Variants in SEC61A2 observed in about 807,000 individuals in gnomAD.
SEC61A2 encodes the protein SEC61 translocon subunit alpha 2, also known as protein transport protein Sec61 subunit alpha isoform 2.
Under a neutral mutation model 59.9 loss-of-function variants are expected in SEC61A2, and 28 were observed. That is an observed-to-expected ratio of 0.47 (90% CI 0.35 to 0.64). The LOEUF is 0.64. Ranked by LOEUF, SEC61A2 falls within the 30% of genes least tolerant of loss-of-function variation. The pLI is 0.01. For synonymous variants in SEC61A2, 202 were observed against 214.4 expected (o/e 0.94, Z 0.50); for missense variants, 340 against 585.9 (o/e 0.58, Z 4.33).
In SEC61A2 at chr10:12,161,825, CA is replaced by C. The variant is rs1368687344; in HGVS notation, c.1168-384del. On this transcript the variant is annotated intron_variant, in intron 10 of 11. Coordinates refer to ENST00000298428, the MANE Select transcript of SEC61A2 (RefSeq NM_018144.4). This position sits in a 1 kb window ranked among gnomAD's most constrained non-coding sequence, Gnocchi z 5.4. ...TTTTGGAAAATTCATATTTAATTGT[CA>C]AAACAGTAGTGGATACACTCCTTTA... Among the ~76,000 whole-genome samples, 1 of 152,054 alleles carries C rather than the reference CA, an allele frequency of 6.6e-6. No homozygotes were observed. The highest frequency in any genetic ancestry group is 2.4e-5 in the African/African-American group (1 of 41,402).
chr10:12,129,676 C>A, upstream of SEC61A2: 1 of 1,089,358 alleles, frequency 9.2e-7, no homozygotes. The surrounding 1 kb of genome is among the most constrained non-coding windows in gnomAD (Gnocchi z 5.6). Flanking sequence ...GCGGAGCCTG[C>A]GCGGGGCCGG....
rs1015617056 is a variant in SEC61A2 at position 12,143,688 on chromosome 10, G to A, written c.220+493G>A. ...ATGGAGGTTGCAGTGAACTAAGATC[G>A]CACCACTGCAATCCAGCCTGGGTAA... On this transcript the variant is annotated intron_variant, in intron 4 of 11. Transcript: ENST00000298428. The surrounding 1 kb of genome is among the most constrained non-coding windows in gnomAD (Gnocchi z 4.8). Among the ~76,000 whole-genome samples, 1 of 152,000 alleles carries A rather than the reference G, an allele frequency of 6.6e-6. No homozygotes were observed. The highest frequency in any genetic ancestry group is 1.9e-4 in the East Asian group (1 of 5,178).
At position 12,156,993 on chromosome 10, in the gene SEC61A2, T is replaced by A; in HGVS notation, c.703T>A (p.Tyr235Asn). 1.2e-6 allele frequency: 2 copies of A among 1,614,128 alleles called. No individual in the cohort carries two copies. ...AGTCCGAGCTTTACGGGAGGCTTTT[T>A]ATCGGCAGAACTTACCCAATCTCAT... ...DKVRALREAF[Y>N]RQNLPNLMNL... Residue 235 changes from tyrosine (Y) to asparagine (N), a missense_variant, in exon 8 of 12, where the codon TAT (tyrosine) becomes AAT (asparagine). By Grantham distance (143) the Tyr-to-Asn change is moderately radical. This residue lies in a region of SEC61A2 where 283 missense variants were observed against 483.2 expected (regional missense o/e 0.59). Transcript: ENST00000298428. The surrounding 1 kb of genome is among the most constrained non-coding windows in gnomAD (Gnocchi z 5.2).
downstream of SEC61A2, chr10:12,166,766 C>G (rs1424417535): frequency 2.0e-6 from 1 of 498,316 alleles, no homozygotes; most frequent in Non-Finnish European, 4.1e-6. Flanking sequence ...ACAAAAAGAG[C>G]TAAACTCACT....
chr10:12,133,276 G>C lies in SEC61A2; in HGVS notation c.43G>C (p.Val15Leu), dbSNP rs1172531073. Residue 15 changes from valine to leucine, a missense_variant, in exon 2 of 12, where the codon GTT becomes CTT. Coordinates refer to ENST00000298428, the MANE Select transcript of SEC61A2 (RefSeq NM_018144.4). ...FLEVIKPFCAVLPEIQKPERK... is the reference protein window; with the variant it reads ...FLEVIKPFCALLPEIQKPERK... ...AGAAGTTATCAAACCATTCTGTGCA[G>C]TTCTACCAGAAATTCAGAAACCGGA... is the stretch of plus-strand genomic sequence containing the variant. 3 of 1,561,300 alleles carry C rather than the reference G, an allele frequency of 1.9e-6. No homozygotes were observed. Among genetic ancestry groups the C allele is most frequent in the Middle Eastern group, 1.7e-4 (1 of 5,920 alleles).
intron 4 of SEC61A2, among the ~76,000 whole-genome samples, chr10:12,148,333 C>T (rs1167160281): frequency 6.6e-6 from 1 of 151,198 alleles, no homozygotes; most frequent in East Asian, 1.9e-4. Context: ...GCAACCTCCA[C>T]CTCCCGGGTT....
chr10:12,131,442 A>G (rs896616652), intron 1 of SEC61A2, among the ~76,000 whole-genome samples: 4 of 152,162 alleles, frequency 2.6e-5, no homozygotes, highest in Non-Finnish European at 4.4e-5. Flanking sequence ...TTCACCCTCC[A>G]GTTCTCTGGC....
chr10:12,163,363 C>T (rs908903224), intron 11 of SEC61A2, among the ~76,000 whole-genome samples: 1 of 147,810 alleles, frequency 6.8e-6, no homozygotes, highest in Non-Finnish European at 1.5e-5. Flanking sequence ...CTCACTTTGT[C>T]ACCCAGGCTG....
intron 3 of SEC61A2, among the ~76,000 whole-genome samples, chr10:12,140,054 G>T (rs61848308): frequency 6.6e-6 from 1 of 152,060 alleles, no homozygotes; most frequent in Non-Finnish European, 1.5e-5. Flanking sequence ...GGTGTGGGCA[G>T]TGAGCTTTTG....
intron 3 of SEC61A2, among the ~76,000 whole-genome samples, chr10:12,138,032 C>T (rs571974387): frequency 1.6e-4 from 24 of 151,990 alleles, no homozygotes; most frequent in African/African-American, 5.5e-4. Context: ...TAGATACATA[C>T]ATACATACAT....
In SEC61A2 at chr10:12,162,456, G is replaced by A. The variant is rs1834554095; in HGVS notation, c.1244+167G>A. ...GTTTTCCATGTCAAAACCAACACCT[G>A]AATTTTTCATTGAAATTGTGAGCAC... is the stretch of plus-strand genomic sequence containing the variant. On this transcript the variant is annotated intron_variant, in intron 11 of 11. Coordinates refer to ENST00000298428, the MANE Select transcript of SEC61A2 (RefSeq NM_018144.4). This position sits in a 1 kb window ranked among gnomAD's most constrained non-coding sequence, Gnocchi z 6.1. 1.3e-6 allele frequency: 1 copy of A among 767,686 alleles called. No homozygotes were observed. Among genetic ancestry groups the A allele is most frequent in the Non-Finnish European group, 2.4e-6 (1 of 419,540 alleles). The allele number at this position is 767,686 out of a possible 1,614,324, so 47.6% of individuals were successfully genotyped here.
At position 12,152,526 on chromosome 10, in the gene SEC61A2, G is replaced by A. The variant is rs1431539414; in HGVS notation, c.462+2565G>A. ...TGTAATTCCAGCACTTTGAGAGGCC[G>A]AGATGGGCAGTTCACTTGAGGTCAG... is the stretch of plus-strand genomic sequence containing the variant. On this transcript the variant is annotated intron_variant, in intron 6 of 11. Transcript: ENST00000298428. The surrounding 1 kb of genome is among the most constrained non-coding windows in gnomAD (Gnocchi z 5.5). 2.6e-5 allele frequency among the ~76,000 whole-genome samples: 4 copies of A among 152,158 alleles called. No homozygotes were observed. The highest frequency in any genetic ancestry group is 7.2e-5 in the African/African-American group (3 of 41,446).
intron 4 of SEC61A2, among the ~76,000 whole-genome samples, chr10:12,148,621 C>T (rs1363703094): frequency 1.3e-5 from 2 of 151,642 alleles, no homozygotes; most frequent in Non-Finnish European, 2.9e-5. Flanking sequence ...TTCACTGCAA[C>T]CTCCAACTCC....
In SEC61A2 at chr10:12,149,511, A is replaced by G. The variant is rs1442573844; in HGVS notation, c.221-84A>G. ...AAAATTTTCACGTGTGTTTCAGTTG[A>G]GGTAATTAGGGAGTGCGACACCTCT... On this transcript the variant is annotated intron_variant, in intron 4 of 11. Transcript: ENST00000298428. The surrounding 1 kb of genome is among the most constrained non-coding windows in gnomAD (Gnocchi z 5.2). 10 of 1,307,652 alleles carry G rather than the reference A, an allele frequency of 7.6e-6. No individual in the cohort carries two copies. The highest frequency in any genetic ancestry group is 1.5e-5 in the African/African-American group (1 of 67,344). 81.0% of individuals were successfully genotyped at this position (1,307,652 alleles called of 1,614,324 possible). A position where few individuals can be genotyped will look rare whatever the true frequency, so the allele number is the denominator to read the frequency against.
chr10:12,148,641 G>GCTCCGCCTCCC (rs1213408190), intron 4 of SEC61A2, among the ~76,000 whole-genome samples: 1 of 151,844 alleles, frequency 6.6e-6, no homozygotes, highest in South Asian at 2.1e-4. Flanking sequence ...CTCGGTTCAA[G>GCTCCGCCTCCC]GGATTCTCCT....
At position 12,144,209 on chromosome 10, in the gene SEC61A2, C is replaced by G. The variant is rs565651933; in HGVS notation, c.220+1014C>G. ...ATTTATTATTTTAAAAATGCACTAG[C>G]AATTTATATACAGATTTATATGAAG... On this transcript the variant is annotated intron_variant, in intron 4 of 11. Coordinates refer to ENST00000298428, the MANE Select transcript of SEC61A2 (RefSeq NM_018144.4). 2.0e-5 allele frequency among the ~76,000 whole-genome samples: 3 copies of G among 152,216 alleles called. No individual in the cohort carries two copies. The East Asian group carries it at 5.8e-4, about 29-fold the overall frequency.
intron 3 of SEC61A2, among the ~76,000 whole-genome samples, chr10:12,139,290 A>C (rs909529795): frequency 2.0e-5 from 3 of 151,272 alleles, no homozygotes; most frequent in Non-Finnish European, 2.9e-5. Context: ...TATTTCCACC[A>C]GCCGTGTTCT....
In SEC61A2 at chr10:12,152,777, C is replaced by T. The variant is rs1277642474; in HGVS notation, c.462+2816C>T. 6.6e-6 allele frequency among the ~76,000 whole-genome samples: 1 copy of T among 152,102 alleles called. No individual in the cohort carries two copies. The highest frequency in any genetic ancestry group is 1.5e-5 in the Non-Finnish European group (1 of 67,994). On this transcript the variant is annotated intron_variant, in intron 6 of 11. Transcript: ENST00000298428. This position sits in a 1 kb window ranked among gnomAD's most constrained non-coding sequence, Gnocchi z 5.5. ...GCGTGGTGGCAGGAGCCTGTAGTCC[C>T]AGCTATTTGGGAGGCTGAGGCCGAA...
Position 12,154,778 on chromosome 10 carries a change from G to A in SEC61A2, c.463-1000G>A, listed in dbSNP as rs970268886. On this transcript the variant is annotated intron_variant, in intron 6 of 11. Coordinates refer to ENST00000298428, the MANE Select transcript of SEC61A2 (RefSeq NM_018144.4). The surrounding 1 kb of genome is among the most constrained non-coding windows in gnomAD (Gnocchi z 5.2). ...AGCATGCCTAAAATGGTCTCATGTG[G>A]TTACTTTGGTCGCTCTTCCAGCAGG... Among the ~76,000 whole-genome samples, 8 of 152,152 alleles carry A rather than the reference G, an allele frequency of 5.3e-5. 1 individual carries two copies. Among genetic ancestry groups the A allele is most frequent in the African/African-American group, 1.7e-4 (7 of 41,442 alleles).
Sources: allele counts gnomAD v4.1 joint callset (sites outside exome capture counted in the v4.1 genomes callset), GRCh38; gene constraint gnomAD v4.1.1; regional missense constraint gnomAD v4.1.1; non-coding constraint Gnocchi (gnomAD v3.1); transcripts MANE v1.5; gene names NCBI Gene and HGNC (gene_info 2026-07-23, HGNC 2026-07-21).